The following C19orf47 variants were observed in gnomAD, a reference collection of about 807,000 sequenced individuals.
The protein encoded by C19orf47 is chromosome 19 open reading frame 47.
A neutral mutation model predicts 32.3 loss-of-function variants in C19orf47; 18 were observed. The observed-to-expected ratio is 0.56, with a 90% CI of 0.39 to 0.83. The LOEUF (loss-of-function observed/expected upper bound fraction) is 0.83. Ranked by LOEUF, C19orf47 falls within the 40% of genes least tolerant of loss-of-function variation. C19orf47 has a pLI of 0.00. For synonymous variants in C19orf47, 202 were observed against 211.1 expected, an observed-to-expected ratio of 0.96 and a Z score of 0.37; for missense variants, 484 against 531.6, an observed-to-expected ratio of 0.91 and a Z score of 0.88.
chr19:40,299,738 G>A, the C19orf47 span, among the ~76,000 whole-genome samples: 50 of 152,156 alleles, frequency 3.3e-4, no homozygotes, highest in Non-Finnish European at 7.2e-4. Flanking sequence ...GAAAAAGAGA[G>A]ACATTAGCCA....
intron 1 of C19orf47, among the ~76,000 whole-genome samples, chr19:40,342,917 G>A (rs1056192296): frequency 1.3e-5 from 2 of 152,164 alleles, no homozygotes; most frequent in Non-Finnish European, 2.9e-5. Context: ...ATCATGAGAC[G>A]TCCCAGAGAA....
chr19:40,339,326 C>T (rs1272148927), intron 2 of C19orf47, among the ~76,000 whole-genome samples: 1 of 152,212 alleles, frequency 6.6e-6, no homozygotes, highest in East Asian at 1.9e-4. Context: ...TATACCCCTA[C>T]TTCAGAAATA....
intron 5 of C19orf47, among the ~76,000 whole-genome samples, chr19:40,332,329 T>C (rs1388070794): frequency 6.7e-6 from 1 of 148,998 alleles, no homozygotes; most frequent in Non-Finnish European, 1.5e-5. Context: ...CACTCCAACG[T>C]AGGCAACACA....
chr19:40,342,247 A>T (rs2078191947), intron 1 of C19orf47: 2 of 262,666 alleles, frequency 7.6e-6, no homozygotes, highest in South Asian at 1.2e-4. Flanking sequence ...GGACTTTGGG[A>T]GGCCAAGGTG....
chr19:40,301,376 T>C, the C19orf47 span, among the ~76,000 whole-genome samples: 1 of 149,698 alleles, frequency 6.7e-6, no homozygotes, highest in Non-Finnish European at 1.5e-5. Context: ...AGTCTCGCTC[T>C]GTCGCCCAGG....
At chr19:40,331,841 A>AGCCT (rs1370206138) in intron 5 of C19orf47, among the ~76,000 whole-genome samples, 2 of 152,152 alleles carry the variant, frequency 1.3e-5, no homozygotes, top group East Asian at 3.9e-4. Context: ...GCTCGAGACC[A>AGCCT]GCCTGGCCAA....
chr19:40,310,532 G>A, the C19orf47 span, among the ~76,000 whole-genome samples: 1 of 152,128 alleles, frequency 6.6e-6, no homozygotes, highest in Non-Finnish European at 1.5e-5. Context: ...GCCCACCTCC[G>A]CCTTCCAAAA....
intron 5 of C19orf47, among the ~76,000 whole-genome samples, chr19:40,330,961 C>T (rs2077940481): frequency 6.6e-6 from 1 of 152,156 alleles, no homozygotes; most frequent in Non-Finnish European, 1.5e-5. Context: ...GTCATGTTTC[C>T]ATTACTGGAT....
chr19:40,337,693 G>A (rs1036314684), intron 2 of C19orf47, among the ~76,000 whole-genome samples: 1 of 152,128 alleles, frequency 6.6e-6, no homozygotes, highest in Non-Finnish European at 1.5e-5. Flanking sequence ...AGACACACAG[G>A]TGTTACACGA....
the C19orf47 span, among the ~76,000 whole-genome samples, chr19:40,299,890 G>C: frequency 1.2e-4 from 19 of 152,142 alleles, no homozygotes; most frequent in Non-Finnish European, 1.9e-4. Flanking sequence ...TTAGTCAGGC[G>C]TGGTGACGGG....
chr19:40,297,644 G>T, the C19orf47 span, among the ~76,000 whole-genome samples: 18 of 148,048 alleles, frequency 1.2e-4, no homozygotes, highest in Admixed American at 1.4e-4. Flanking sequence ...AGGTTGTAGT[G>T]AGGCGAGATT....
chr19:40,348,464 G>T, upstream of C19orf47: 1 of 1,499,198 alleles, frequency 6.7e-7, no homozygotes. Flanking sequence ...ACTCGTCCGC[G>T]GCCGCTCTAC....
chr19:40,336,413 G>T lies in C19orf47; in HGVS notation c.20-6C>A, dbSNP rs761888392. 1.2e-6 allele frequency: 2 copies of T among 1,610,116 alleles called. No individual in the cohort carries two copies. The highest frequency in any genetic ancestry group is 1.7e-6 in the Non-Finnish European group (2 of 1,178,076). On this transcript the variant is annotated splice_polypyrimidine_tract_variant and splice_region_variant and intron_variant, in intron 2 of 8. Coordinates refer to ENST00000683109, the MANE Select transcript of C19orf47 (RefSeq NM_001256441.2). Reference sequence around the variant, plus strand: ...CTGGATCCACTCGGAAGTGGCTGTGGGGTTGGACAGGGCTCATTACTCACA... The same window carrying T: ...CTGGATCCACTCGGAAGTGGCTGTGTGGTTGGACAGGGCTCATTACTCACA...
the C19orf47 span, among the ~76,000 whole-genome samples, chr19:40,307,690 T>C: frequency 6.6e-6 from 1 of 152,212 alleles, no homozygotes; most frequent in African/African-American, 2.4e-5. Flanking sequence ...GTATCAACAC[T>C]GTATGCCAGG....
chr19:40,313,352 GC>G, the C19orf47 span, among the ~76,000 whole-genome samples: 6 of 151,968 alleles, frequency 3.9e-5, no homozygotes, highest in Non-Finnish European at 8.8e-5. Flanking sequence ...CGAGACAGGG[GC>G]TCACTCTGTT....
intron 1 of C19orf47, among the ~76,000 whole-genome samples, chr19:40,347,123 CT>C (rs906510289): frequency 6.6e-6 from 1 of 152,084 alleles, no homozygotes; most frequent in Non-Finnish European, 1.5e-5. Flanking sequence ...CGTAGTATTC[CT>C]TTTCAATTAT....
At chr19:40,340,859 G>C (rs2078163176) in intron 2 of C19orf47, among the ~76,000 whole-genome samples, 1 of 150,626 alleles carries the variant, frequency 6.6e-6, no homozygotes, top group Non-Finnish European at 1.5e-5. Flanking sequence ...TGTGACTATA[G>C]TCCCAGCTAC....
At chr19:40,318,489 G>A (rs139598764), downstream of C19orf47, among the ~76,000 whole-genome samples, 196 of 152,176 alleles carry the variant, frequency 1.3e-3, no homozygotes, top group African/African-American at 4.4e-3. Flanking sequence ...AATTACCATG[G>A]CTCTTAAATT....
At chr19:40,348,491 C>A (rs2078382286), upstream of C19orf47, 2 of 1,497,422 alleles carry the variant, frequency 1.3e-6, no homozygotes, top group Non-Finnish European at 8.8e-7. Flanking sequence ...AGGCCGCCAC[C>A]AGCGAGAGTG....
Sources: allele counts gnomAD v4.1 joint callset (sites outside exome capture counted in the v4.1 genomes callset), GRCh38; gene constraint gnomAD v4.1.1; transcripts MANE v1.5; gene names NCBI Gene and HGNC (gene_info 2026-07-23, HGNC 2026-07-21).